COP1: variants seen among roughly 807,000 people sequenced by gnomAD.
COP1 encodes E3 ubiquitin-protein ligase COP1.
Under a neutral mutation model 101.3 loss-of-function variants are expected in COP1, and 24 were observed. That is an observed-to-expected ratio of 0.24 (90% CI 0.17 to 0.33). The LOEUF is 0.33. COP1 is among the 10% of genes least tolerant of loss of function. The pLI, the probability that COP1 is intolerant of heterozygous loss-of-function variation, is 1.00. For synonymous variants in COP1, 347 were observed against 341.9 expected (o/e 1.01, Z -0.17); for missense variants, 663 against 906.2 (o/e 0.73, Z 3.45).
At chr1:176,187,177 T>A (rs1171734417) in intron 1 of COP1, among the ~76,000 whole-genome samples, 1 of 151,956 alleles carries the variant, frequency 6.6e-6, no homozygotes, top group Non-Finnish European at 1.5e-5. Context: ...CAGGCTGGAG[T>A]GCACTGGCAT....
chr1:175,961,125 C>T (rs947396131), intron 18 of COP1, among the ~76,000 whole-genome samples: 5 of 152,202 alleles, frequency 3.3e-5, no homozygotes, highest in Admixed American at 1.3e-4. Context: ...AATTCTCAGG[C>T]CTTTAGCCTA....
At chr1:176,019,009 T>TA (rs1249127648) in intron 15 of COP1, among the ~76,000 whole-genome samples, 2 of 150,120 alleles carry the variant, frequency 1.3e-5, no homozygotes, top group African/African-American at 4.9e-5. Context: ...CTACTACAAA[T>TA]AAAAAAATTA....
intron 3 of COP1, among the ~76,000 whole-genome samples, chr1:176,167,395 C>A (rs1695308121): frequency 6.7e-6 from 1 of 149,898 alleles, no homozygotes; most frequent in African/African-American, 2.5e-5. Flanking sequence ...ATAGTAGGCG[C>A]CTGGTATTTG....
chr1:176,051,015 A>G (rs1012977691), intron 11 of COP1, among the ~76,000 whole-genome samples: 1 of 152,232 alleles, frequency 6.6e-6, no homozygotes, highest in African/African-American at 2.4e-5. Flanking sequence ...TATAGTGATA[A>G]TAACACATAA....
intron 15 of COP1, among the ~76,000 whole-genome samples, chr1:176,005,815 T>C (rs4652141): frequency 0.053 from 8,055 of 152,166 alleles, 458 homozygotes; most frequent in Middle Eastern, 0.14. Context: ...CTGAAAAACA[T>C]GCATATTCTG....
chr1:176,063,979 G>C (rs777508246), intron 11 of COP1, among the ~76,000 whole-genome samples: 1 of 152,142 alleles, frequency 6.6e-6, no homozygotes, highest in Non-Finnish European at 1.5e-5. Flanking sequence ...TTCTTTCACA[G>C]ACACACTTTG....
chr1:176,126,014 A>G (rs543837365), intron 8 of COP1, among the ~76,000 whole-genome samples: 17 of 152,176 alleles, frequency 1.1e-4, no homozygotes, highest in Non-Finnish European at 7.3e-5. Context: ...TCTTTTTCAC[A>G]TCGTTCACTG....
intron 12 of COP1, 115 bp downstream of exon 12, chr1:176,046,066 A>G: frequency 1.3e-6 from 1 of 761,744 alleles, no homozygotes; most frequent in Non-Finnish European, 2.2e-6. Flanking sequence ...ATAGTACAAT[A>G]ATAGTGTTCA....
At chr1:175,975,830 G>C (rs1216452773) in intron 18 of COP1, among the ~76,000 whole-genome samples, 2 of 152,144 alleles carry the variant, frequency 1.3e-5, no homozygotes, top group Non-Finnish European at 2.9e-5. Flanking sequence ...AAAATAAATG[G>C]TTTTCTCTAT....
chr1:176,022,172 G>A (rs1571736914), intron 15 of COP1, among the ~76,000 whole-genome samples: 1 of 152,230 alleles, frequency 6.6e-6, no homozygotes, highest in South Asian at 2.1e-4. Flanking sequence ...TATGAAAAAG[G>A]TGAAAGAACA....
chr1:176,085,848 G>A lies in COP1; in HGVS notation c.1069C>T (p.Arg357Ter). 1 of 1,608,014 alleles carries A rather than the reference G, an allele frequency of 6.2e-7. No individual in the cohort carries two copies. The highest frequency in any genetic ancestry group is 8.5e-7 in the Non-Finnish European group (1 of 1,175,670). Residue 357 changes from arginine (R) to a stop codon, truncating the protein, a stop_gained, in exon 10 of 20, where the codon CGA (arginine) becomes TGA (stop). Transcript: ENST00000367669. LOFTEE classifies it high-confidence loss of function. ...TCAAAATGAGCAGTAAGTCGTTTTC[G>A]TCTTGATGCTAACGTGCTATTATAC... The part of the protein sequence containing the change: ...PWYNSTLASR[R>*]KRLTAHFEDL...
At chr1:176,126,506 G>A (rs1221633973) in intron 8 of COP1, among the ~76,000 whole-genome samples, 1 of 151,958 alleles carries the variant, frequency 6.6e-6, no homozygotes, top group Non-Finnish European at 1.5e-5. Flanking sequence ...CACCAGGCTG[G>A]AGTGCGGTGG....
chr1:176,121,511 C>CATTT lies in COP1; in HGVS notation c.969-4831_969-4830insAAAT, dbSNP rs10650172. On this transcript the variant is annotated intron_variant, in intron 8 of 19. Transcript: ENST00000367669. ...ACATTATTTTCATTTCTTTAAATGT[C>CATTT]GTTTTTTATTTTTATGTTTTTAGAG... Among the ~76,000 whole-genome samples the CATTT allele has an allele frequency of 2.7e-3, 415 of 152,070 alleles. 3 individuals carry two copies. The highest frequency in any genetic ancestry group is 9.5e-3 in the African/African-American group (394 of 41,390).
chr1:176,206,568 C>T lies in COP1; in HGVS notation c.407+4G>A, dbSNP rs768471707. On this transcript the variant is annotated splice_donor_region_variant and intron_variant, in intron 1 of 19. Coordinates refer to ENST00000367669, the MANE Select transcript of COP1 (RefSeq NM_022457.7). Reference sequence around the variant, plus strand: ...GACAAGGAGGGAGTGCTCTTCAAACCCACCATACGAAGTCGTTGCTTTTGT... The same window carrying T: ...GACAAGGAGGGAGTGCTCTTCAAACTCACCATACGAAGTCGTTGCTTTTGT... The T allele has an allele frequency of 3.7e-6, 6 of 1,606,060 alleles. No individual in the cohort carries two copies. The highest frequency in any genetic ancestry group is 5.1e-6 in the Non-Finnish European group (6 of 1,178,604).
At chr1:176,072,198 C>A (rs1677123226) in intron 11 of COP1, among the ~76,000 whole-genome samples, 1 of 152,090 alleles carries the variant, frequency 6.6e-6, no homozygotes, top group South Asian at 2.1e-4. Context: ...TCTTTTATAG[C>A]CTAAGGATTA....
At chr1:176,093,608 G>A (rs914670532) in intron 9 of COP1, among the ~76,000 whole-genome samples, 12 of 152,078 alleles carry the variant, frequency 7.9e-5, no homozygotes, top group Non-Finnish European at 1.8e-4. Flanking sequence ...GGGAGGCCGA[G>A]GTGGGCAGAT....
chr1:176,194,088 G>C (rs1025129430), intron 1 of COP1, among the ~76,000 whole-genome samples: 1 of 151,942 alleles, frequency 6.6e-6, no homozygotes, highest in African/African-American at 2.4e-5. Flanking sequence ...AACACAAAAA[G>C]TTTAAAAATC....
intron 1 of COP1, 114 bp from the exon 2 acceptor site, chr1:176,184,806 A>G: frequency 1.4e-6 from 1 of 695,710 alleles, no homozygotes; most frequent in Non-Finnish European, 2.4e-6. Flanking sequence ...TTTAGAGCTA[A>G]GTCTATAAAC....
chr1:175,966,602 T>C (rs957282832), intron 18 of COP1, among the ~76,000 whole-genome samples: 1 of 152,150 alleles, frequency 6.6e-6, no homozygotes, highest in East Asian at 1.9e-4. Context: ...GCTTATCACA[T>C]GTCTGGGCTT....
Sources: allele counts gnomAD v4.1 joint callset (sites outside exome capture counted in the v4.1 genomes callset), GRCh38; gene constraint gnomAD v4.1.1; transcripts MANE v1.5; gene names NCBI Gene and HGNC (gene_info 2026-07-23, HGNC 2026-07-21).